The following INTS7 variants were observed in gnomAD, a reference collection of about 807,000 sequenced individuals.
The protein encoded by INTS7 is integrator complex subunit 7, also known as chromosome 1 open reading frame 73.
In INTS7, 46 loss-of-function variants were observed where a neutral mutation model predicts 109.2. That is an observed-to-expected ratio of 0.42 (90% CI 0.33 to 0.54). The LOEUF (loss-of-function observed/expected upper bound fraction) is 0.54, where lower values mean the gene tolerates loss of function less well. INTS7 is among the 20% of genes least tolerant of loss of function. The probability of loss-of-function intolerance (pLI) is 0.07; values close to 1 mark genes in which losing one functional copy is unlikely to be tolerated. For missense variants in INTS7, 929 were observed against 1,132.4 expected (o/e 0.82, Z 2.58); for synonymous variants, 412 against 402.9 (o/e 1.02, Z -0.27).
At chr1:211,978,178 T>C in intron 11 of INTS7, 94 bp downstream of exon 11, 1 of 1,432,366 alleles carries the variant, frequency 7.0e-7, no homozygotes. Flanking sequence ...TGTTCTGTTT[T>C]TTAAGTAAAG....
intron 3 of INTS7, among the ~76,000 whole-genome samples, chr1:212,018,136 T>A (rs1365316432): frequency 6.6e-6 from 1 of 152,194 alleles, no homozygotes; most frequent in Non-Finnish European, 1.5e-5. Flanking sequence ...AGAATCTTTT[T>A]ATTTTACTAC....
At chr1:212,033,427 G>A (rs1289435455) in intron 1 of INTS7, among the ~76,000 whole-genome samples, 1 of 152,178 alleles carries the variant, frequency 6.6e-6, no homozygotes, top group African/African-American at 2.4e-5. Flanking sequence ...ACTCACGCCA[G>A]GCATTGCTGG....
At chr1:211,987,833 T>C (rs1369655218) in intron 8 of INTS7, 53 bp downstream of exon 8, 2 of 996,488 alleles carry the variant, frequency 2.0e-6, no homozygotes, top group Admixed American at 2.3e-5. Context: ...AACATAAATA[T>C]GGATAAAGGA....
At chr1:212,032,487 T>C (rs1323541243) in intron 1 of INTS7, among the ~76,000 whole-genome samples, 5 of 151,990 alleles carry the variant, frequency 3.3e-5, no homozygotes, top group African/African-American at 9.7e-5. Context: ...ATCTTTCTTT[T>C]TTTTTTTTCG....
At chr1:211,944,457 G>T (rs913017532) in intron 19 of INTS7, among the ~76,000 whole-genome samples, 24 of 152,162 alleles carry the variant, frequency 1.6e-4, no homozygotes. Context: ...ACTGACTGAG[G>T]CTGGGTGAAA....
At chr1:211,988,753 G>C (rs1027617325) in intron 7 of INTS7, among the ~76,000 whole-genome samples, 1 of 152,128 alleles carries the variant, frequency 6.6e-6, no homozygotes, top group Non-Finnish European at 1.5e-5. Context: ...GGAGAGATAT[G>C]AATATTATTT....
At chr1:211,975,492 T>A (rs1664378142) in intron 12 of INTS7, 120 bp from the exon 13 acceptor site, 6 of 682,760 alleles carry the variant, frequency 8.8e-6, no homozygotes, top group Non-Finnish European at 1.5e-5. Flanking sequence ...GTCTGAACAA[T>A]CATTCCTCAT....
rs1418889375 is a variant in INTS7 at position 211,984,783 on chromosome 1, CTTTT to C, written c.998-1977_998-1974del. 9.9e-5 allele frequency among the ~76,000 whole-genome samples: 15 copies of C among 152,146 alleles called. No individual in the cohort carries two copies. In the South Asian group the frequency reaches 2.3e-3, roughly 23 times the overall value. On this transcript the variant is annotated intron_variant, in intron 8 of 19. Coordinates refer to ENST00000366994, the MANE Select transcript of INTS7 (RefSeq NM_015434.4). The stretch of plus-strand genomic sequence containing the variant: ...TACAAGCACATTTATTCCTTTCTTT[CTTTT>C]TCCTTTTCACATACTGTTTTCCATC...
chr1:212,000,566 C>G (rs1177532761), intron 7 of INTS7, among the ~76,000 whole-genome samples: 1 of 152,052 alleles, frequency 6.6e-6, no homozygotes, highest in Non-Finnish European at 1.5e-5. Flanking sequence ...TTACAGCTAC[C>G]CTTAAAAAAG....
At chr1:212,010,951 A>G (rs990840024) in intron 5 of INTS7, among the ~76,000 whole-genome samples, 1 of 152,116 alleles carries the variant, frequency 6.6e-6, no homozygotes, top group Non-Finnish European at 1.5e-5. Context: ...TCTCTCCTTC[A>G]TGTCTCACTC....
chr1:211,978,713 G>A (rs1026006830), intron 10 of INTS7, among the ~76,000 whole-genome samples: 4 of 152,190 alleles, frequency 2.6e-5, no homozygotes, highest in Admixed American at 6.5e-5. Flanking sequence ...AACAAATTAG[G>A]ACTGCACGTC....
At position 211,989,736 on chromosome 1, in the gene INTS7, C is replaced by T. The variant is rs146451975; in HGVS notation, c.880-1733G>A. On this transcript the variant is annotated intron_variant, in intron 7 of 19. Coordinates refer to ENST00000366994, the MANE Select transcript of INTS7 (RefSeq NM_015434.4). ...ACTCAGGAGGCTGAGGCAGGAGAAT[C>T]GCTTGAACCCAGGAGACAGAGGTTG... Among the ~76,000 whole-genome samples the T allele has an allele frequency of 6.6e-5, 10 of 151,338 alleles. No individual in the cohort carries two copies. The East Asian group carries it at 1.4e-3, about 21-fold the overall frequency.
chr1:211,989,753 C>T (rs993608237), intron 7 of INTS7, among the ~76,000 whole-genome samples: 2 of 148,498 alleles, frequency 1.3e-5, no homozygotes, highest in Admixed American at 1.4e-4. Flanking sequence ...ACCCAGGAGA[C>T]AGAGGTTGCA....
chr1:212,023,470 T>C (rs1483549415), intron 1 of INTS7, among the ~76,000 whole-genome samples: 1 of 152,214 alleles, frequency 6.6e-6, no homozygotes, highest in Non-Finnish European at 1.5e-5. Flanking sequence ...TATCTTACTA[T>C]GGTTTTAATT....
At chr1:212,028,062 G>C (rs1488615244) in intron 1 of INTS7, among the ~76,000 whole-genome samples, 1 of 152,126 alleles carries the variant, frequency 6.6e-6, no homozygotes, top group Non-Finnish European at 1.5e-5. Flanking sequence ...CCCAACCTCA[G>C]GTGATCCTCC....
chr1:212,026,341 G>A (rs949627441), intron 1 of INTS7, among the ~76,000 whole-genome samples: 10 of 151,962 alleles, frequency 6.6e-5, no homozygotes, highest in African/African-American at 2.2e-4. Flanking sequence ...TAGCACTATC[G>A]GCACTCACAG....
At chr1:212,015,428 A>C (rs1391210807) in intron 4 of INTS7, among the ~76,000 whole-genome samples, 1 of 152,096 alleles carries the variant, frequency 6.6e-6, no homozygotes, top group East Asian at 1.9e-4. Context: ...TGCTCTCTGA[A>C]ACATGTGCTA....
intron 2 of INTS7, 25 bp from the exon 3 acceptor site, chr1:212,020,293 G>A (rs922848884): frequency 2.1e-6 from 3 of 1,436,796 alleles, no homozygotes; most frequent in South Asian, 1.3e-5. Context: ...AATAAATTAG[G>A]TCACTTTAGA....
At chr1:211,992,893 G>A (rs983259146) in intron 7 of INTS7, among the ~76,000 whole-genome samples, 2 of 152,130 alleles carry the variant, frequency 1.3e-5, no homozygotes, top group Non-Finnish European at 2.9e-5. Flanking sequence ...TTCAAATGGA[G>A]TCCTCTGTCT....
Sources: allele counts gnomAD v4.1 joint callset (sites outside exome capture counted in the v4.1 genomes callset), GRCh38; gene constraint gnomAD v4.1.1; transcripts MANE v1.5; gene names NCBI Gene and HGNC (gene_info 2026-07-23, HGNC 2026-07-21).